The following NALF1 variants were observed in gnomAD, a reference collection of about 807,000 sequenced individuals.
NALF1 encodes the protein NALCN channel auxiliary factor 1.
Under a neutral mutation model 48.4 loss-of-function variants are expected in NALF1, and 3 were observed. The ratio of observed to expected loss-of-function variants is 0.06; its 90% CI spans 0.03 to 0.16. The LOEUF is 0.16. Ranked by LOEUF, NALF1 falls within the 10% of genes least tolerant of loss-of-function variation. The pLI is 1.00. For missense variants in NALF1, 526 were observed against 571.5 expected (o/e 0.92, Z 0.81); for synonymous variants, 262 against 245.7 (o/e 1.07, Z -0.62).
At chr13:107,836,564 AT>A (rs1280152202) in intron 1 of NALF1, among the ~76,000 whole-genome samples, 8 of 152,268 alleles carry the variant, frequency 5.3e-5, no homozygotes, top group African/African-American at 1.7e-4. Flanking sequence ...TTATAAAAAA[AT>A]AAAATTTAAT....
chr13:107,581,393 G>A (rs1853518), intron 1 of NALF1, among the ~76,000 whole-genome samples: 36,937 of 152,072 alleles, frequency 0.24, 5,168 homozygotes, highest in East Asian at 0.38. Flanking sequence ...TTCCTACTTA[G>A]CATTTGTCTT....
chr13:107,467,914 G>A (rs183141939), intron 1 of NALF1, among the ~76,000 whole-genome samples: 2,221 of 152,158 alleles, frequency 0.015, 23 homozygotes, highest in Non-Finnish European at 0.024. Context: ...CGGGCGTGGT[G>A]GCGGGCGCCT....
intron 1 of NALF1, among the ~76,000 whole-genome samples, chr13:107,650,304 C>T (rs1201967783): frequency 1.3e-5 from 2 of 150,812 alleles, no homozygotes; most frequent in Admixed American, 6.7e-5. Context: ...TGAGGCTGCG[C>T]CACCTAGTGG....
At chr13:107,288,831 C>A (rs1216152457) in intron 1 of NALF1, among the ~76,000 whole-genome samples, 1 of 151,720 alleles carries the variant, frequency 6.6e-6, no homozygotes, top group Non-Finnish European at 1.5e-5. Flanking sequence ...CCGCGCCCAG[C>A]CCAGAAAACA....
intron 1 of NALF1, among the ~76,000 whole-genome samples, chr13:107,858,565 G>A (rs1398292676): frequency 6.6e-6 from 1 of 152,176 alleles, no homozygotes; most frequent in Non-Finnish European, 1.5e-5. Context: ...AGGCACACCT[G>A]TAATCCCAGC....
At chr13:107,576,256 A>G (rs746502139) in intron 1 of NALF1, among the ~76,000 whole-genome samples, 5 of 152,178 alleles carry the variant, frequency 3.3e-5, no homozygotes, top group African/African-American at 7.2e-5. Flanking sequence ...ATAGAGGATA[A>G]CCATTGAATT....
intron 1 of NALF1, among the ~76,000 whole-genome samples, chr13:107,302,842 ACTCT>A (rs1352037611): frequency 1.3e-5 from 2 of 151,964 alleles, no homozygotes; most frequent in African/African-American, 4.8e-5. Context: ...TCTCTCTCTC[ACTCT>A]CTCACACACA....
intron 1 of NALF1, among the ~76,000 whole-genome samples, chr13:107,271,331 G>T (rs947277781): frequency 3.9e-5 from 6 of 152,172 alleles, no homozygotes; most frequent in Non-Finnish European, 7.3e-5. Flanking sequence ...CCCTGCAGGG[G>T]TGGTATTTGA....
chr13:107,200,876 G>A (rs566631763), intron 2 of NALF1, among the ~76,000 whole-genome samples: 4 of 152,264 alleles, frequency 2.6e-5, no homozygotes, highest in Admixed American at 1.3e-4. Context: ...GGTGACTTTA[G>A]TGCGGCCACA....
chr13:107,833,146 G>T (rs973285184), intron 1 of NALF1, among the ~76,000 whole-genome samples: 6 of 149,454 alleles, frequency 4.0e-5, no homozygotes, highest in Non-Finnish European at 5.9e-5. Context: ...TGGTCCCTGC[G>T]CCTCCTTTAG....
chr13:107,808,864 C>T lies in NALF1; in HGVS notation c.915+56818G>A, dbSNP rs182525766. ...GCAATACACATCCAAATCGAAATGC[C>T]TTTTCACTAGATGGTCCTATACAGA... On this transcript the variant is annotated intron_variant, in intron 1 of 2. Transcript: ENST00000375915. Among the ~76,000 whole-genome samples, 363 of 152,116 alleles carry T rather than the reference C, an allele frequency of 2.4e-3. 1 individual carries two copies. The highest frequency in any genetic ancestry group is 8.4e-3 in the African/African-American group (350 of 41,514).
At chr13:107,514,916 AC>A (rs1566373043) in intron 1 of NALF1, among the ~76,000 whole-genome samples, 1 of 152,200 alleles carries the variant, frequency 6.6e-6, no homozygotes, top group Non-Finnish European at 1.5e-5. Flanking sequence ...AGCAGATCTG[AC>A]CTTTGTTTAT....
At chr13:107,786,659 G>A (rs141258105) in intron 1 of NALF1, among the ~76,000 whole-genome samples, 2,751 of 151,892 alleles carry the variant, frequency 0.018, 92 homozygotes, top group African/African-American at 0.063. Flanking sequence ...TTGAACCTGG[G>A]AGGCGGAGGT....
chr13:107,583,614 T>C (rs1878373944), intron 1 of NALF1, among the ~76,000 whole-genome samples: 1 of 152,158 alleles, frequency 6.6e-6, no homozygotes, highest in Non-Finnish European at 1.5e-5. Context: ...GTGTAACTGA[T>C]ATTAAAAATA....
intron 1 of NALF1, among the ~76,000 whole-genome samples, chr13:107,394,926 G>T (rs1883686844): frequency 6.6e-6 from 1 of 152,154 alleles, no homozygotes; most frequent in Non-Finnish European, 1.5e-5. Flanking sequence ...AGAAATGGCA[G>T]GAGATGTCAC....
intron 1 of NALF1, among the ~76,000 whole-genome samples, chr13:107,476,147 T>C (rs1594083681): frequency 6.6e-6 from 1 of 152,222 alleles, no homozygotes; most frequent in East Asian, 1.9e-4. Context: ...TAATTCCTTT[T>C]GAGGACAGCA....
intron 1 of NALF1, among the ~76,000 whole-genome samples, chr13:107,768,996 T>A (rs1877497145): frequency 6.6e-6 from 1 of 151,746 alleles, no homozygotes; most frequent in Non-Finnish European, 1.5e-5. Context: ...TGAGATACCA[T>A]CTCACACCAG....
intron 1 of NALF1, among the ~76,000 whole-genome samples, chr13:107,647,153 T>C (rs768410898): frequency 6.6e-6 from 1 of 152,018 alleles, no homozygotes; most frequent in Admixed American, 6.6e-5. Context: ...GTAATTTATA[T>C]ATAATAATAT....
At chr13:107,325,887 T>TATATATATATACACACAC (rs752320518) in intron 1 of NALF1, among the ~76,000 whole-genome samples, 1 of 58,910 alleles carries the variant, frequency 1.7e-5, no homozygotes, top group African/African-American at 5.2e-5. Flanking sequence ...TATATATATA[T>TATATATATATACACACAC]ACACACACAC....
Sources: allele counts gnomAD v4.1 joint callset (sites outside exome capture counted in the v4.1 genomes callset), GRCh38; gene constraint gnomAD v4.1.1; transcripts MANE v1.5; gene names NCBI Gene and HGNC (gene_info 2026-07-23, HGNC 2026-07-21).